SYNE3: variants seen among roughly 807,000 people sequenced by gnomAD.
The protein encoded by SYNE3 is spectrin repeat containing nuclear envelope family member 3.
A neutral mutation model predicts 111.2 loss-of-function variants in SYNE3; 100 were observed. That is an observed-to-expected ratio of 0.90 (90% CI 0.77 to 1.06). The LOEUF (loss-of-function observed/expected upper bound fraction) is 1.06, where lower values mean the gene tolerates loss of function less well. Ranked by LOEUF, SYNE3 falls within the 50% of genes least tolerant of loss-of-function variation. The probability of loss-of-function intolerance (pLI) is 0.00; values close to 1 mark genes in which losing one functional copy is unlikely to be tolerated. For synonymous variants in SYNE3, 547 were observed against 533.9 expected (o/e 1.02, Z -0.34); for missense variants, 1,160 against 1,240.3 (o/e 0.94, Z 0.97).
In SYNE3 at chr14:95,470,036, C is replaced by T. The variant is rs897817029; in HGVS notation, c.145-2069G>A. ...AGGGAGAGTGAAGAATGGGGAGATTCCTCAAGAGAGGGAAAGAGGGTTTGT... is the reference window on the plus strand; with the variant it reads ...AGGGAGAGTGAAGAATGGGGAGATTTCTCAAGAGAGGGAAAGAGGGTTTGT... On this transcript the variant is annotated intron_variant, in intron 2 of 17. Transcript: ENST00000682763. This position sits in a 1 kb window ranked among gnomAD's most constrained non-coding sequence, Gnocchi z 4.2. Among the ~76,000 whole-genome samples the T allele has an allele frequency of 6.6e-6, 1 of 152,124 alleles. No homozygotes were observed.
At chr14:95,443,397 C>T in intron 10 of SYNE3, 108 bp from the exon 11 acceptor site, 1 of 1,418,824 alleles carries the variant, frequency 7.0e-7, no homozygotes, top group Non-Finnish European at 9.4e-7. Flanking sequence ...GGGGTGAATT[C>T]CCCAAGGCGG....
chr14:95,442,269 C>T (rs1886454442), intron 11 of SYNE3, among the ~76,000 whole-genome samples: 2 of 152,192 alleles, frequency 1.3e-5, no homozygotes, highest in Admixed American at 1.3e-4. Context: ...CTGACCACCT[C>T]CTTATGTCTT....
chr14:95,426,244 C>T (rs536622552), intron 17 of SYNE3, among the ~76,000 whole-genome samples: 8 of 152,176 alleles, frequency 5.3e-5, no homozygotes, highest in Admixed American at 1.3e-4. Flanking sequence ...AGTGGCGAGG[C>T]CGTGGGATGA....
intron 17 of SYNE3, 42 bp downstream of exon 17, chr14:95,432,037 C>T (rs779865500): frequency 2.5e-6 from 4 of 1,601,868 alleles, no homozygotes; most frequent in Non-Finnish European, 3.4e-6. Context: ...CCTCCAGGCA[C>T]CCTGCCTGCT....
chr14:95,464,471 C>A (rs1028096977), intron 4 of SYNE3, among the ~76,000 whole-genome samples: 1 of 152,200 alleles, frequency 6.6e-6, no homozygotes, highest in Admixed American at 6.5e-5. Context: ...AATATTGTTA[C>A]AAACGCAATC....
chr14:95,498,462 G>A lies in SYNE3; in HGVS notation c.-15+18134C>T, dbSNP rs536560778. Reference sequence around the variant, plus strand: ...TCGAACTCCTGACCTCAGGTGATCCGCCTGCCTCAGCCGCCCAAAGTGATG... The same window carrying A: ...TCGAACTCCTGACCTCAGGTGATCCACCTGCCTCAGCCGCCCAAAGTGATG... On this transcript the variant is annotated intron_variant, in intron 1 of 17. Transcript: ENST00000682763. Among the ~76,000 whole-genome samples the A allele has an allele frequency of 7.9e-5, 12 of 152,222 alleles. No homozygotes were observed. The East Asian group carries it at 1.7e-3, about 22-fold the overall frequency.
At chr14:95,444,258 GACAGTT>G in intron 10 of SYNE3, 6 of 524,144 alleles carry the variant, frequency 1.1e-5, no homozygotes, top group Non-Finnish European at 1.9e-5. Context: ...TAAACAGAAA[GACAGTT>G]TGTCATTTTG....
At chr14:95,444,170 C>A (rs1886568882) in intron 10 of SYNE3, 1 of 376,490 alleles carries the variant, frequency 2.7e-6, no homozygotes, top group Non-Finnish European at 4.7e-6. Context: ...TTTAACTGAA[C>A]ACCTCTGGAC....
In SYNE3 at chr14:95,436,938, GA is replaced by G; in HGVS notation, c.2419del (p.Ser807ProfsTer4). On this transcript the variant is annotated frameshift_variant, in exon 15 of 18. Coordinates refer to ENST00000682763, the MANE Select transcript of SYNE3 (RefSeq NM_152592.6). LOFTEE classifies it high-confidence loss of function. ...QEEEGSHEDF[S>X]QLLRNFGQWL... ...CTGCCCAAAGTTCCTCAGGAGCTGG[GA>G]GAAATCTTCATGGCTCCCTTCTTCT... is the stretch of plus-strand genomic sequence containing the variant. The G allele has an allele frequency of 6.2e-7, 1 of 1,613,896 alleles. No individual in the cohort carries two copies. The highest frequency in any genetic ancestry group is 8.5e-7 in the Non-Finnish European group (1 of 1,179,988).
At chr14:95,492,422 A>G (rs1350646556) in intron 1 of SYNE3, among the ~76,000 whole-genome samples, 1 of 152,258 alleles carries the variant, frequency 6.6e-6, no homozygotes, top group Non-Finnish European at 1.5e-5. Context: ...ATGGAATATT[A>G]TTCACCTGTG....
intron 7 of SYNE3, 165 bp from the exon 8 acceptor site, chr14:95,450,270 G>T: frequency 1.3e-6 from 1 of 790,762 alleles, no homozygotes; most frequent in Non-Finnish European, 2.0e-6. Context: ...GACAGAAGAT[G>T]TAGCTGGAAG....
intron 1 of SYNE3, among the ~76,000 whole-genome samples, chr14:95,514,389 G>T (rs373564340): frequency 2.0e-5 from 3 of 152,174 alleles, no homozygotes; most frequent in Admixed American, 1.3e-4. Context: ...AGGACCATGA[G>T]GGGGGTGAGC....
chr14:95,443,617 C>T, intron 10 of SYNE3: 1 of 261,510 alleles, frequency 3.8e-6, no homozygotes. Context: ...AAACACGTCC[C>T]AATTTTAGTT....
At chr14:95,423,455 G>A (rs573846996) in intron 17 of SYNE3, among the ~76,000 whole-genome samples, 3 of 152,088 alleles carry the variant, frequency 2.0e-5, no homozygotes, top group Non-Finnish European at 4.4e-5. Context: ...GGGAAACTGG[G>A]TGATCATGAT....
intron 1 of SYNE3, among the ~76,000 whole-genome samples, chr14:95,477,132 C>T (rs1888930666): frequency 6.6e-6 from 1 of 152,258 alleles, no homozygotes; most frequent in African/African-American, 2.4e-5. Context: ...CATGGTGGCT[C>T]ATGCCTATAA....
intron 9 of SYNE3, 92 bp downstream of exon 9, chr14:95,445,817 T>G: frequency 1.2e-5 from 17 of 1,402,552 alleles, no homozygotes; most frequent in Non-Finnish European, 1.5e-5. Flanking sequence ...GCGGCAGAGC[T>G]GAGTTTAGAA....
rs1467232227 is a variant in SYNE3 at position 95,470,095 on chromosome 14, G to A, written c.145-2128C>T. On this transcript the variant is annotated intron_variant, in intron 2 of 17. Transcript: ENST00000682763. The surrounding 1 kb of genome is among the most constrained non-coding windows in gnomAD (Gnocchi z 4.2). Reference sequence around the variant, plus strand: ...GTAGCAGGATGTGGCAGGGGCCCAGGGGGTGGTGGCCACAGCAAGTACCCA... The same window carrying A: ...GTAGCAGGATGTGGCAGGGGCCCAGAGGGTGGTGGCCACAGCAAGTACCCA... Among the ~76,000 whole-genome samples, 2 of 152,052 alleles carry A rather than the reference G, an allele frequency of 1.3e-5. No homozygotes were observed. Among genetic ancestry groups the A allele is most frequent in the African/African-American group, 2.4e-5 (1 of 41,380 alleles).
At chr14:95,495,012 T>G (rs1325104398) in intron 1 of SYNE3, among the ~76,000 whole-genome samples, 2 of 151,522 alleles carry the variant, frequency 1.3e-5, no homozygotes, top group African/African-American at 4.9e-5. Context: ...TTCAGGAAGC[T>G]GAGGCAGGAG....
Position 95,485,529 on chromosome 14 carries a change from C to T in SYNE3, c.-14-9694G>A, listed in dbSNP as rs1889499732. 6.6e-6 allele frequency among the ~76,000 whole-genome samples: 1 copy of T among 152,112 alleles called. No homozygotes were observed. Among genetic ancestry groups the T allele is most frequent in the African/African-American group, 2.4e-5 (1 of 41,388 alleles). Reference sequence around the variant, plus strand: ...CGCCCTAACCTACAGGTGCTAGGAGCTCTGCAACCCCACCTTCTGATGGCC... The same window carrying T: ...CGCCCTAACCTACAGGTGCTAGGAGTTCTGCAACCCCACCTTCTGATGGCC... On this transcript the variant is annotated intron_variant, in intron 1 of 17. Transcript: ENST00000682763. This position sits in a 1 kb window ranked among gnomAD's most constrained non-coding sequence, Gnocchi z 4.3.
Sources: gnomAD v4.1 joint callset for allele counts (sites outside exome capture counted in the v4.1 genomes callset) on GRCh38, gnomAD v4.1.1 for gene constraint, Gnocchi (gnomAD v3.1) non-coding constraint, MANE v1.5 for transcripts, NCBI Gene and HGNC (gene_info 2026-07-23, HGNC 2026-07-21) for gene names.